CFAP141: variants seen among roughly 807,000 people sequenced by gnomAD.
The protein encoded by CFAP141 is cilia and flagella associated protein 141.
chr1:154,201,340 T>C, the CFAP141 span, among the ~76,000 whole-genome samples: 2 of 149,830 alleles, frequency 1.3e-5, no homozygotes, highest in Admixed American at 6.7e-5. Context: ...AAACTAAAAG[T>C]TGTGAGATGC....
At chr1:154,200,903 C>G in the CFAP141 span, among the ~76,000 whole-genome samples, 20 of 152,146 alleles carry the variant, frequency 1.3e-4, no homozygotes, top group East Asian at 2.1e-3. Context: ...AGGCTGGTCT[C>G]GAACTCCTGA....
At chr1:154,201,631 G>C in the CFAP141 span, among the ~76,000 whole-genome samples, 1 of 148,696 alleles carries the variant, frequency 6.7e-6, no homozygotes, top group Non-Finnish European at 1.5e-5. Flanking sequence ...CAGGTGATCC[G>C]CCTGACTCAG....
chr1:154,201,834 G>A, the CFAP141 span, among the ~76,000 whole-genome samples: 3 of 151,272 alleles, frequency 2.0e-5, no homozygotes, highest in Admixed American at 1.3e-4. Flanking sequence ...GCAATGGCCC[G>A]ATCTTGGCTC....
the CFAP141 span, among the ~76,000 whole-genome samples, chr1:154,201,637 C>T: frequency 6.6e-6 from 1 of 152,082 alleles, no homozygotes; most frequent in Non-Finnish European, 1.5e-5. Flanking sequence ...ATCCGCCTGA[C>T]TCAGCATCCC....
chr1:154,199,441 C>A, the CFAP141 span: 25 of 1,610,496 alleles, frequency 1.6e-5, no homozygotes, highest in Admixed American at 1.7e-5. Flanking sequence ...AATCTCTCTA[C>A]ATAAAAAGCT....
the CFAP141 span, chr1:154,200,521 T>C: frequency 6.2e-7 from 1 of 1,614,182 alleles, no homozygotes; most frequent in South Asian, 1.1e-5. Context: ...ATCCTTAGGG[T>C]GGCATACGGG....
the CFAP141 span, chr1:154,199,399 G>A: frequency 7.4e-6 from 11 of 1,480,184 alleles, no homozygotes; most frequent in East Asian, 2.5e-4. Context: ...GGCATGTTGA[G>A]AATGGAAGAG....
At chr1:154,201,577 G>A in the CFAP141 span, among the ~76,000 whole-genome samples, 13 of 151,560 alleles carry the variant, frequency 8.6e-5, no homozygotes, top group Non-Finnish European at 1.5e-4. Context: ...TAGTAGAGAC[G>A]AGGTTTCACC....
chr1:154,202,561 G>A, the CFAP141 span, among the ~76,000 whole-genome samples: 2 of 152,076 alleles, frequency 1.3e-5, no homozygotes, highest in Non-Finnish European at 2.9e-5. Flanking sequence ...AGCACTTTGG[G>A]AGGCCCAGGC....
chr1:154,203,744 C>T, the CFAP141 span, among the ~76,000 whole-genome samples: 1 of 152,008 alleles, frequency 6.6e-6, no homozygotes, highest in Non-Finnish European at 1.5e-5. Flanking sequence ...GAAAATGTTT[C>T]TATCATAAAC....
chr1:154,200,463 A>G, the CFAP141 span: 9 of 1,614,192 alleles, frequency 5.6e-6, no homozygotes, highest in Non-Finnish European at 7.6e-6. Flanking sequence ...ACTCACCATT[A>G]GTAGTTGCTT....
At chr1:154,203,174 TA>T in the CFAP141 span, among the ~76,000 whole-genome samples, 1 of 706 alleles carries the variant, frequency 1.4e-3, no homozygotes, top group African/African-American at 0.016. Context: ...ACTGGGCAAA[TA>T]TATATATATA....
the CFAP141 span, among the ~76,000 whole-genome samples, chr1:154,203,234 T>TATATATATAC: frequency 1.3e-5 from 1 of 78,328 alleles, no homozygotes. Flanking sequence ...TATATATATA[T>TATATATATAC]ACTTTGTTGG....
At chr1:154,204,045 C>T in the CFAP141 span, among the ~76,000 whole-genome samples, 7 of 152,064 alleles carry the variant, frequency 4.6e-5, no homozygotes, top group Non-Finnish European at 8.8e-5. Context: ...GAGCTGAGAT[C>T]GTGCTACTGC....
the CFAP141 span, chr1:154,205,704 T>C: frequency 2.4e-4 from 342 of 1,432,552 alleles, 11 homozygotes; most frequent in South Asian, 3.2e-3. Context: ...ATGAGAGACA[T>C]AGACCTTTTT....
chr1:154,199,364 G>A, the CFAP141 span: 1 of 1,119,230 alleles, frequency 8.9e-7, no homozygotes. Context: ...CAAGGTGGTA[G>A]AGGTTCTAGA....
chr1:154,203,844 G>A, the CFAP141 span, among the ~76,000 whole-genome samples: 1 of 151,550 alleles, frequency 6.6e-6, no homozygotes, highest in Non-Finnish European at 1.5e-5. Context: ...GGAGGCCAAG[G>A]CAGGCCGATT....
chr1:154,205,628 T>C, the CFAP141 span: 1 of 1,613,906 alleles, frequency 6.2e-7, no homozygotes, highest in Admixed American at 1.7e-5. Context: ...TCCCATGGCC[T>C]TTTGAAAACT....
the CFAP141 span, chr1:154,200,445 C>G: frequency 1.9e-6 from 3 of 1,613,816 alleles, no homozygotes; most frequent in African/African-American, 1.3e-5. Context: ...TCAGGTTGCC[C>G]TGCTAGAACT....
Sources: allele counts gnomAD v4.1 joint callset (sites outside exome capture counted in the v4.1 genomes callset), GRCh38; gene constraint gnomAD v4.1.1; transcripts MANE v1.5; gene names NCBI Gene and HGNC (gene_info 2026-07-23, HGNC 2026-07-21).